Variants in MINDY4 observed in about 807,000 individuals in gnomAD.
The protein encoded by MINDY4 is probable ubiquitin carboxyl-terminal hydrolase MINDY-4.
A neutral mutation model predicts 87.0 loss-of-function variants in MINDY4; 68 were observed. The observed-to-expected ratio is 0.78, with a 90% CI of 0.64 to 0.96. The LOEUF (loss-of-function observed/expected upper bound fraction) is 0.96, where lower values mean the gene tolerates loss of function less well. Among genes scored for constraint, MINDY4 ranks in the 40% least tolerant of loss-of-function variants. The pLI, the probability that MINDY4 is intolerant of heterozygous loss-of-function variation, is 0.00. For synonymous variants in MINDY4, 379 were observed against 363.2 expected, an observed-to-expected ratio of 1.04 and a Z score of -0.50; for missense variants, 919 against 928.2, an observed-to-expected ratio of 0.99 and a Z score of 0.13.
intron 15 of MINDY4, among the ~76,000 whole-genome samples, chr7:30,879,928 C>A (rs896320778): frequency 2.7e-5 from 4 of 145,632 alleles, no homozygotes; most frequent in Non-Finnish European, 5.9e-5. Context: ...CTTTTTCTTA[C>A]TTAGTGATAC....
Position 30,778,530 on chromosome 7 carries a change from A to T in MINDY4, c.162A>T (p.Glu54Asp). ...ATCTTCGAAAGGTTTTGCATCTTGA[A>T]TTTCTCTATAAGGAGAACAAGGTAT... ...RNDLRKVLHL[E>D]FLYKENKAKE... Residue 54 changes from glutamate (E) to aspartate (D), a missense_variant, in exon 2 of 18, where the codon GAA becomes GAT. Transcript: ENST00000265299. 2 of 1,614,226 alleles carry T rather than the reference A, an allele frequency of 1.2e-6. No individual in the cohort carries two copies. The highest frequency in any genetic ancestry group is 2.7e-5 in the African/African-American group (2 of 75,064).
chr7:30,777,875 G>A (rs1030894516), intron 1 of MINDY4, among the ~76,000 whole-genome samples: 1 of 152,216 alleles, frequency 6.6e-6, no homozygotes, highest in Non-Finnish European at 1.5e-5. Flanking sequence ...GCATGTCTCA[G>A]CTGGGCCTTG....
chr7:30,863,679 C>T (rs1358407675), intron 13 of MINDY4, among the ~76,000 whole-genome samples: 2 of 152,090 alleles, frequency 1.3e-5, no homozygotes, highest in Non-Finnish European at 2.9e-5. Flanking sequence ...CGAGTGCTGC[C>T]GACCACTGCC....
At chr7:30,831,761 TC>T (rs781117205) in intron 6 of MINDY4, among the ~76,000 whole-genome samples, 12 of 152,310 alleles carry the variant, frequency 7.9e-5, no homozygotes, top group Non-Finnish European at 1.5e-4. Context: ...TATGGAATCT[TC>T]CTATGAACAT....
At chr7:30,778,735 G>A (rs192856536) in intron 2 of MINDY4, among the ~76,000 whole-genome samples, 184 bp downstream of exon 2, 42 of 152,286 alleles carry the variant, frequency 2.8e-4, no homozygotes, top group African/African-American at 9.6e-4. Flanking sequence ...TTTCCATCTC[G>A]GTCAGCTGGT....
At chr7:30,851,195 G>C (rs1305759252) in intron 10 of MINDY4, among the ~76,000 whole-genome samples, 1 of 152,218 alleles carries the variant, frequency 6.6e-6, no homozygotes, top group Non-Finnish European at 1.5e-5. Flanking sequence ...AGTATAAGGA[G>C]ATCACTTTTG....
chr7:30,862,547 A>G (rs1789798046), intron 13 of MINDY4, among the ~76,000 whole-genome samples: 2 of 152,210 alleles, frequency 1.3e-5, no homozygotes, highest in South Asian at 2.1e-4. Context: ...TCGCAGGGCA[A>G]TGATAACAGT....
At chr7:30,804,901 A>G (rs1787760815) in intron 5 of MINDY4, among the ~76,000 whole-genome samples, 1 of 152,150 alleles carries the variant, frequency 6.6e-6, no homozygotes, top group Non-Finnish European at 1.5e-5. Context: ...AAGAATCCCA[A>G]GCCGAGGGGA....
intron 17 of MINDY4, among the ~76,000 whole-genome samples, chr7:30,883,901 C>T (rs1190904362): frequency 1.3e-5 from 2 of 152,112 alleles, no homozygotes; most frequent in Non-Finnish European, 2.9e-5. Flanking sequence ...CCTCACCTTC[C>T]TGCACCCCAC....
rs916337159 is a variant in MINDY4 at position 30,850,366 on chromosome 7, G to A, written c.1446-88G>A. 55 of 1,233,884 alleles carry A rather than the reference G, an allele frequency of 4.5e-5. 1 individual carries two copies. The highest frequency in any genetic ancestry group is 6.2e-5 in the Non-Finnish European group (54 of 866,258). 76.4% of individuals were successfully genotyped at this position (1,233,884 alleles called of 1,614,324 possible). A position where few individuals can be genotyped will look rare whatever the true frequency, so the allele number is the denominator to read the frequency against. On this transcript the variant is annotated intron_variant, in intron 9 of 17. Transcript: ENST00000265299. The stretch of plus-strand genomic sequence containing the variant: ...AGAGAAAGAACAGGCCATCTGCGGA[G>A]GGGACTGCCTGACCACACTAAGTAG...
intron 12 of MINDY4, among the ~76,000 whole-genome samples, chr7:30,855,869 C>T (rs1789553934): frequency 6.6e-6 from 1 of 152,254 alleles, no homozygotes; most frequent in South Asian, 2.1e-4. Flanking sequence ...GGCAGCTCTC[C>T]CCCTGCAGTT....
At chr7:30,844,878 T>G (rs1192571594) in intron 9 of MINDY4, among the ~76,000 whole-genome samples, 2 of 152,210 alleles carry the variant, frequency 1.3e-5, no homozygotes, top group Non-Finnish European at 2.9e-5. Context: ...TTGCCTAAAT[T>G]GGACTCAGTA....
intron 5 of MINDY4, among the ~76,000 whole-genome samples, chr7:30,792,522 A>G (rs1290396578): frequency 6.6e-6 from 1 of 152,208 alleles, no homozygotes; most frequent in East Asian, 1.9e-4. Flanking sequence ...GTGTTAAATT[A>G]TGTGTTCAAT....
At chr7:30,818,217 A>G (rs765137559) in intron 5 of MINDY4, among the ~76,000 whole-genome samples, 16 of 152,224 alleles carry the variant, frequency 1.1e-4, no homozygotes, top group Admixed American at 1.3e-4. Flanking sequence ...ATCTCTTGAT[A>G]TGAATTACAT....
At chr7:30,889,273 G>A (rs746927827) in intron 17 of MINDY4, among the ~76,000 whole-genome samples, 1 of 152,190 alleles carries the variant, frequency 6.6e-6, no homozygotes, top group Non-Finnish European at 1.5e-5. Context: ...AATGCTCATC[G>A]TGTTGCTGCA....
In MINDY4 at chr7:30,785,751, A is replaced by G. The variant is rs752723286; in HGVS notation, c.422A>G (p.His141Arg). The change falls in exon 4 of 18, where the codon CAT becomes CGT. Residue 141 changes from histidine (H) to arginine (R), a missense_variant and splice_region_variant. Transcript: ENST00000265299. ...ATGGAAATATTCCTTTTTCACAGAC[A>G]TGACAATCTTGATGGAGATGTACTT... ...TSLSETSKAR[H>R]DNLDGDVLGN... 106 of 1,614,000 alleles carry G rather than the reference A, an allele frequency of 6.6e-5. No homozygotes were observed. Among genetic ancestry groups the G allele is most frequent in the Non-Finnish European group, 6.7e-5 (79 of 1,180,016 alleles).
At chr7:30,773,292 G>C (rs1786700853) in intron 1 of MINDY4, among the ~76,000 whole-genome samples, 1 of 152,188 alleles carries the variant, frequency 6.6e-6, no homozygotes, top group Admixed American at 6.5e-5. Context: ...CCTCGTAACA[G>C]TCCTGAAAGA....
intron 15 of MINDY4, among the ~76,000 whole-genome samples, chr7:30,879,494 TCTC>T (rs1790392852): frequency 6.6e-6 from 1 of 152,088 alleles, no homozygotes. Flanking sequence ...ATCCAAAACT[TCTC>T]ACCACCCCCA....
chr7:30,782,552 A>C (rs963264366), intron 3 of MINDY4, among the ~76,000 whole-genome samples: 3 of 151,996 alleles, frequency 2.0e-5, no homozygotes, highest in African/African-American at 7.2e-5. Flanking sequence ...AACAACAAAA[A>C]ATTAGCTAGA....
Sources: allele counts gnomAD v4.1 joint callset (sites outside exome capture counted in the v4.1 genomes callset), GRCh38; gene constraint gnomAD v4.1.1; transcripts MANE v1.5; gene names NCBI Gene and HGNC (gene_info 2026-07-23, HGNC 2026-07-21).